SEMA6D: variants seen among roughly 807,000 people sequenced by gnomAD.
SEMA6D encodes the protein semaphorin-6D.
Under a neutral mutation model 106.6 loss-of-function variants are expected in SEMA6D, and 35 were observed. The observed-to-expected ratio is 0.33, with a 90% CI of 0.25 to 0.44. The LOEUF (loss-of-function observed/expected upper bound fraction) is 0.44. Ranked by LOEUF, SEMA6D falls within the 20% of genes least tolerant of loss-of-function variation. The pLI is 1.00. For missense variants in SEMA6D, 1,185 were observed against 1,345.9 expected (o/e 0.88, Z 1.87); for synonymous variants, 499 against 487.7 (o/e 1.02, Z -0.31).
In SEMA6D at chr15:47,771,270, G is replaced by A. The variant is rs1401730007; in HGVS notation, c.2707G>A (p.Ala903Thr). Residue 903 changes from alanine to threonine, a missense_variant, in exon 19 of 19, where the codon GCA becomes ACA. Ala to Thr is a moderately conservative substitution (Grantham distance 58). Around this residue, in one of 3 missense-constraint regions of SEMA6D, gnomAD observed 750 missense variants for 783.5 expected, o/e 0.96. Coordinates refer to ENST00000536845, the MANE Select transcript of SEMA6D (RefSeq NM_001358351.3). The part of the protein sequence containing the change: ...PKAIMGDIQM[A>T]HQNLMLDPMG... ...AGCCATCATGGGAGACATCCAGATG[G>A]CACACCAGAACTTAATGCTGGATCC... 10 of 1,613,968 alleles carry A rather than the reference G, an allele frequency of 6.2e-6. No individual in the cohort carries two copies. The highest frequency in any genetic ancestry group is 7.6e-6 in the Non-Finnish European group (9 of 1,179,976).
upstream of SEMA6D, among the ~76,000 whole-genome samples, chr15:47,714,537 T>C (rs1424119039): frequency 6.6e-6 from 1 of 152,236 alleles, no homozygotes; most frequent in Non-Finnish European, 1.5e-5. Flanking sequence ...ATGACCGTTA[T>C]GCTTCAAACT....
intron 1 of SEMA6D, among the ~76,000 whole-genome samples, chr15:47,217,401 A>C (rs2030728442): frequency 6.6e-6 from 1 of 152,180 alleles, no homozygotes; most frequent in African/African-American, 2.4e-5. Context: ...ATAGCAAACA[A>C]CTGGAAAACA....
chr15:47,754,791 C>T (rs1227107880), intron 1 of SEMA6D, among the ~76,000 whole-genome samples: 1 of 143,228 alleles, frequency 7.0e-6, no homozygotes, highest in African/African-American at 2.5e-5. Context: ...GTCTCTTACT[C>T]TCTTGTCTGT....
At chr15:47,745,520 C>T (rs186849329) in intron 1 of SEMA6D, among the ~76,000 whole-genome samples, 4 of 152,346 alleles carry the variant, frequency 2.6e-5, no homozygotes, top group Admixed American at 1.3e-4. Context: ...TTGCTTAATA[C>T]CCTCTTGGTC....
At chr15:47,502,901 G>C (rs147845886) in intron 3 of SEMA6D, among the ~76,000 whole-genome samples, 1 of 152,292 alleles carries the variant, frequency 6.6e-6, no homozygotes, top group East Asian at 1.9e-4. Flanking sequence ...GAAAAACAGG[G>C]TAAACTGTGA....
intron 3 of SEMA6D, among the ~76,000 whole-genome samples, chr15:47,587,455 A>G (rs573219023): frequency 6.6e-6 from 1 of 152,216 alleles, no homozygotes. Flanking sequence ...ATCTTCTACA[A>G]CTGTGAGTCT....
chr15:47,538,767 C>CA (rs2045259237), intron 3 of SEMA6D, among the ~76,000 whole-genome samples: 1 of 152,086 alleles, frequency 6.6e-6, no homozygotes, highest in East Asian at 1.9e-4. Context: ...TTCCAACTGT[C>CA]AAAAAATCTA....
intron 1 of SEMA6D, among the ~76,000 whole-genome samples, chr15:47,250,498 C>T (rs560845455): frequency 1.3e-5 from 2 of 152,220 alleles, no homozygotes; most frequent in South Asian, 2.1e-4. Flanking sequence ...TGAAAGAAAA[C>T]ACCTTTGATT....
At chr15:47,257,665 T>A (rs1409873582) in intron 1 of SEMA6D, among the ~76,000 whole-genome samples, 1 of 152,164 alleles carries the variant, frequency 6.6e-6, no homozygotes, top group Non-Finnish European at 1.5e-5. Context: ...TTCTGTTAAA[T>A]TTGTGAAATG....
chr15:47,511,844 C>CAT (rs1479992958), intron 3 of SEMA6D, among the ~76,000 whole-genome samples: 1 of 152,084 alleles, frequency 6.6e-6, no homozygotes. Context: ...CCTCAGGCCA[C>CAT]ACATGTGCTG....
At chr15:47,307,937 T>C (rs563191738) in intron 1 of SEMA6D, among the ~76,000 whole-genome samples, 84 of 152,234 alleles carry the variant, frequency 5.5e-4, no homozygotes, top group Middle Eastern at 3.4e-3. Context: ...TGTATTTTGT[T>C]TACCAATTTA....
intron 3 of SEMA6D, among the ~76,000 whole-genome samples, chr15:47,595,390 A>G (rs186723678): frequency 4.6e-5 from 7 of 152,184 alleles, no homozygotes; most frequent in East Asian, 3.9e-4. Context: ...AGATTCACAT[A>G]TGTTGAACCA....
At chr15:47,215,470 A>T (rs1172336736) in intron 1 of SEMA6D, among the ~76,000 whole-genome samples, 1 of 152,146 alleles carries the variant, frequency 6.6e-6, no homozygotes, top group Non-Finnish European at 1.5e-5. Context: ...ATATGCTATT[A>T]ATATATTTTT....
chr15:47,230,473 G>A (rs1011397599), intron 1 of SEMA6D, among the ~76,000 whole-genome samples: 1 of 151,948 alleles, frequency 6.6e-6, no homozygotes, highest in Non-Finnish European at 1.5e-5. Context: ...GTAACGATTT[G>A]CCTGTGTTTC....
chr15:47,726,319 A>G (rs1265070404), intron 1 of SEMA6D, among the ~76,000 whole-genome samples: 1 of 152,268 alleles, frequency 6.6e-6, no homozygotes, highest in African/African-American at 2.4e-5. Context: ...GCCAACATAT[A>G]TTGAGTGCTT....
intron 9 of SEMA6D, among the ~76,000 whole-genome samples, chr15:47,763,349 G>GAGTGTTCTACAGGTAGTGT: frequency 6.6e-6 from 1 of 152,176 alleles, no homozygotes; most frequent in Non-Finnish European, 1.5e-5. Flanking sequence ...TGCAGCCACA[G>GAGTGTTCTACAGGTAGTGT]AGAGTGTTCT....
At chr15:47,592,682 G>A (rs1178700401) in intron 3 of SEMA6D, among the ~76,000 whole-genome samples, 7 of 152,088 alleles carry the variant, frequency 4.6e-5, no homozygotes, top group Non-Finnish European at 5.9e-5. Flanking sequence ...ATAAAAATTT[G>A]CATCTAGAAG....
chr15:47,359,489 T>A (rs1164641830), intron 1 of SEMA6D: 1 of 152,200 alleles, frequency 6.6e-6, no homozygotes, highest in East Asian at 1.9e-4. Context: ...TAGGGATTCC[T>A]CTTTCTTCAG....
rs1454114108 is a variant in SEMA6D, at chr15:47,602,306, G to A, written c.-55+1410G>A. On this transcript the variant is annotated intron_variant, in intron 4 of 19. Coordinates refer to the SEMA6D transcript ENST00000558014. ...TGAAGGAAGTATAATTACATTACAGGCAATCTCATCTAAGGTAATTACAAT... is the reference window on the plus strand; with the variant it reads ...TGAAGGAAGTATAATTACATTACAGACAATCTCATCTAAGGTAATTACAAT... 4.6e-5 allele frequency among the ~76,000 whole-genome samples: 7 copies of A among 152,190 alleles called. No individual in the cohort carries two copies. The East Asian group carries it at 1.2e-3, about 25-fold the overall frequency.
Sources: allele counts gnomAD v4.1 joint callset (sites outside exome capture counted in the v4.1 genomes callset), GRCh38; gene constraint gnomAD v4.1.1; regional missense constraint gnomAD v4.1.1; transcripts MANE v1.5; gene names NCBI Gene and HGNC (gene_info 2026-07-23, HGNC 2026-07-21).